Variants in PGAP1 observed in about 807,000 individuals in gnomAD.
The protein encoded by PGAP1 is GPI inositol-deacylase.
A neutral mutation model predicts 127.0 loss-of-function variants in PGAP1; 76 were observed. That is an observed-to-expected ratio of 0.60 (90% CI 0.50 to 0.72). The LOEUF (loss-of-function observed/expected upper bound fraction) is 0.72. Ranked by LOEUF, PGAP1 falls within the 30% of genes least tolerant of loss-of-function variation. PGAP1 has a pLI of 0.00. For synonymous variants in PGAP1, 362 were observed against 366.5 expected, an observed-to-expected ratio of 0.99 and a Z score of 0.14; for missense variants, 982 against 1,071.3, an observed-to-expected ratio of 0.92 and a Z score of 1.16.
chr2:196,919,583 A>G (rs562495833), intron 2 of PGAP1, among the ~76,000 whole-genome samples: 3 of 152,256 alleles, frequency 2.0e-5, no homozygotes, highest in Admixed American at 6.5e-5. Flanking sequence ...TCTAACTTAA[A>G]TAACTCCAAA....
intron 20 of PGAP1, among the ~76,000 whole-genome samples, chr2:196,849,357 G>A (rs143294841): frequency 0.012 from 1,827 of 150,800 alleles, 27 homozygotes; most frequent in African/African-American, 0.035. Flanking sequence ...TCTGCCTCCC[G>A]GGTTCATGCC....
chr2:196,850,979 G>C (rs930898964), intron 20 of PGAP1, among the ~76,000 whole-genome samples: 8 of 152,104 alleles, frequency 5.3e-5, no homozygotes, highest in African/African-American at 1.9e-4. Context: ...TTCAACTCCA[G>C]CAAGGGGATG....
rs1293969504 is a variant in PGAP1, at chr2:196,862,964, A to C, written c.1861+2023T>G. Among the ~76,000 whole-genome samples, 4 of 152,194 alleles carry C rather than the reference A, an allele frequency of 2.6e-5. No homozygotes were observed. In the East Asian group the frequency reaches 7.7e-4, roughly 29 times the overall value. ...AATGGCCAACAGATGTATTTTTTTA[A>C]ATGTTCAACATCACTAATCACCAGT... On this transcript the variant is annotated intron_variant, in intron 20 of 26. Transcript: ENST00000354764.
chr2:196,924,452 TG>T (rs1429293802), intron 1 of PGAP1, among the ~76,000 whole-genome samples: 94 of 152,320 alleles, frequency 6.2e-4, no homozygotes, highest in Non-Finnish European at 7.4e-5. Context: ...AATCTCACTA[TG>T]TTCAAAATGA....
intron 8 of PGAP1, 142 bp downstream of exon 8, chr2:196,892,998 T>A (rs1044592039): frequency 1.8e-4 from 56 of 315,578 alleles, no homozygotes; most frequent in Non-Finnish European, 2.9e-4. Flanking sequence ...CATAGGGAAA[T>A]TAATAATATA....
At chr2:196,852,490 A>G (rs1374194730) in intron 20 of PGAP1, among the ~76,000 whole-genome samples, 4 of 151,940 alleles carry the variant, frequency 2.6e-5, no homozygotes, top group African/African-American at 9.7e-5. Flanking sequence ...AATAGAAATT[A>G]ATTTATAATA....
chr2:196,867,864 C>T (rs906249277), intron 19 of PGAP1, among the ~76,000 whole-genome samples: 6 of 152,118 alleles, frequency 3.9e-5, no homozygotes, highest in Admixed American at 2.0e-4. Flanking sequence ...AATCAGAAAA[C>T]GTACAGCCCA....
rs768544285 is a variant in PGAP1 at position 196,835,167 on chromosome 2, C to T, written c.*6067G>A. On this transcript the variant is annotated 3_prime_UTR_variant, in exon 27 of 27. Transcript: ENST00000354764. The stretch of plus-strand genomic sequence containing the variant: ...TTCTACTTTTCTTCCATGAGAACAA[C>T]ATATTAATGTTAACACTTTAGTATT... 10 of 151,970 alleles carry T rather than the reference C, an allele frequency of 6.6e-5. No individual in the cohort carries two copies. Among genetic ancestry groups the T allele is most frequent in the Non-Finnish European group, 1.3e-4 (9 of 67,884 alleles). 9.4% of individuals were successfully genotyped at this position (151,970 alleles called of 1,614,324 possible).
intron 17 of PGAP1, 120 bp from the exon 18 acceptor site, chr2:196,872,669 T>C: frequency 2.9e-6 from 2 of 685,030 alleles, no homozygotes; most frequent in South Asian, 3.8e-5. Context: ...GCCAGACACA[T>C]AATTGTGGAT....
At chr2:196,843,587 C>A (rs1017539619) in intron 25 of PGAP1, among the ~76,000 whole-genome samples, 3 of 151,938 alleles carry the variant, frequency 2.0e-5, no homozygotes, top group Admixed American at 1.3e-4. Context: ...AGTTTATATT[C>A]CCGAAGTTTA....
intron 4 of PGAP1, among the ~76,000 whole-genome samples, chr2:196,903,077 G>T (rs1702550260): frequency 6.6e-6 from 1 of 152,008 alleles, no homozygotes; most frequent in Non-Finnish European, 1.5e-5. Context: ...AGCTAAAAGA[G>T]AAAATTCTAA....
rs1219552832 is a variant in PGAP1, at chr2:196,837,114, T to TA, written c.*4119dup. ...ATTATGCTAATTTGGACCTAACACC[T>TA]AAAATGAAAATGTGGGTCAACTGAT... On this transcript the variant is annotated 3_prime_UTR_variant, in exon 27 of 27. Transcript: ENST00000354764. 6.6e-6 allele frequency: 1 copy of TA among 152,186 alleles called. No homozygotes were observed. The highest frequency in any genetic ancestry group is 1.9e-4 in the East Asian group (1 of 5,194). 9.4% of individuals were successfully genotyped at this position (152,186 alleles called of 1,614,324 possible). A position where few individuals can be genotyped will look rare whatever the true frequency, so the allele number is the denominator to read the frequency against.
intron 7 of PGAP1, among the ~76,000 whole-genome samples, chr2:196,896,511 A>G (rs563769720): frequency 6.6e-6 from 1 of 152,280 alleles, no homozygotes; most frequent in Non-Finnish European, 1.5e-5. Flanking sequence ...TACAAAAAAA[A>G]TTATAAAATA....
intron 19 of PGAP1, among the ~76,000 whole-genome samples, chr2:196,865,884 G>A (rs1231515268): frequency 6.6e-6 from 1 of 152,014 alleles, no homozygotes; most frequent in Non-Finnish European, 1.5e-5. Context: ...TTGCTACAAA[G>A]AGAATAAAAT....
chr2:196,872,489 G>A lies in PGAP1; in HGVS notation c.1680C>T (p.Thr560=), dbSNP rs1219472169. The change falls in exon 18 of 27, where the codon ACC becomes ACT. Residue 560 remains threonine (T), a synonymous_variant. Transcript: ENST00000354764. ...TGTACATTTTAAATAATGCCACATGGGTATTGTTTTCTGGTTGAGCAATAT... is the reference window on the plus strand; with the variant it reads ...TGTACATTTTAAATAATGCCACATGAGTATTGTTTTCTGGTTGAGCAATAT... ...KLHIAQPENN[T]HVALFKMYTS... 70 of 1,613,208 alleles carry A rather than the reference G, an allele frequency of 4.3e-5. No homozygotes were observed. Among genetic ancestry groups the A allele is most frequent in the Non-Finnish European group, 5.4e-5 (64 of 1,179,392 alleles).
intron 4 of PGAP1, among the ~76,000 whole-genome samples, chr2:196,912,019 A>T (rs111570277): frequency 3.7e-4 from 57 of 152,182 alleles, no homozygotes; most frequent in South Asian, 3.5e-3. Context: ...TTGCCACATG[A>T]CTCTGGGCAA....
In PGAP1 at chr2:196,862,660, C is replaced by T. The variant is rs1701106393; in HGVS notation, c.1861+2327G>A. On this transcript the variant is annotated intron_variant, in intron 20 of 26. Transcript: ENST00000354764. Reference sequence around the variant, plus strand: ...AGCTTTAAAATTTCTCTCTTTTGTACTCTGTCCCCTTATTTCTCAAGCCAG... The same window carrying T: ...AGCTTTAAAATTTCTCTCTTTTGTATTCTGTCCCCTTATTTCTCAAGCCAG... 3.9e-5 allele frequency among the ~76,000 whole-genome samples: 6 copies of T among 152,184 alleles called. 2 individuals are homozygous for T. The South Asian group carries it at 1.2e-3, about 31-fold the overall frequency.
At chr2:196,924,602 C>A (rs909693408) in intron 1 of PGAP1, among the ~76,000 whole-genome samples, 2 of 152,080 alleles carry the variant, frequency 1.3e-5, no homozygotes, top group African/African-American at 4.8e-5. Flanking sequence ...TGCTAAAAAT[C>A]AAAAACTTCT....
intron 2 of PGAP1, 81 bp downstream of exon 2, chr2:196,919,916 T>C: frequency 7.1e-7 from 1 of 1,401,864 alleles, no homozygotes; most frequent in South Asian, 1.4e-5. Context: ...TTTACTTTAT[T>C]TGATTCACCG....
Sources: gnomAD v4.1 joint callset for allele counts (sites outside exome capture counted in the v4.1 genomes callset) on GRCh38, gnomAD v4.1.1 for gene constraint, MANE v1.5 for transcripts, NCBI Gene and HGNC (gene_info 2026-07-23, HGNC 2026-07-21) for gene names.